DCT: variants seen among roughly 807,000 people sequenced by gnomAD.
DCT encodes L-dopachrome tautomerase.
Under a neutral mutation model 53.0 loss-of-function variants are expected in DCT, and 47 were observed. The ratio of observed to expected loss-of-function variants is 0.89; its 90% CI spans 0.70 to 1.13. The LOEUF (loss-of-function observed/expected upper bound fraction) is 1.13. Ranked by LOEUF, DCT falls within the 50% of genes most tolerant of loss-of-function variation. The probability of loss-of-function intolerance (pLI) is 0.00; values close to 1 mark genes in which losing one functional copy is unlikely to be tolerated. For synonymous variants in DCT, 244 were observed against 237.0 expected (o/e 1.03, Z -0.27); for missense variants, 669 against 637.4 (o/e 1.05, Z -0.53).
In DCT at chr13:94,468,885, T is replaced by G. The variant is rs1205326900; in HGVS notation, c.456A>C (p.Val152=). ...GTGTGGTGATCACGTAGTCGGGGTG[T>G]ACTCTCTTCTTCGCGAGATCTAAGG... is the stretch of plus-strand genomic sequence containing the variant. ...LGALDLAKKR[V]HPDYVITTQH... is the part of the protein sequence containing the mutation. Residue 152 remains valine (V), a synonymous_variant, in exon 2 of 8, where the codon GTA becomes GTC. Transcript: ENST00000377028. 3.1e-6 allele frequency: 5 copies of G among 1,614,146 alleles called. No individual in the cohort carries two copies. In the East Asian group the frequency reaches 1.1e-4, roughly 36 times the overall value.
intron 1 of DCT, among the ~76,000 whole-genome samples, chr13:94,472,268 G>A (rs1279798280): frequency 1.3e-5 from 2 of 151,534 alleles, no homozygotes; most frequent in East Asian, 3.9e-4. Flanking sequence ...TATCTAAAAG[G>A]TAGCCAACAC....
intron 6 of DCT, among the ~76,000 whole-genome samples, chr13:94,444,629 G>T (rs1440084104): frequency 6.6e-6 from 1 of 152,178 alleles, no homozygotes; most frequent in Non-Finnish European, 1.5e-5. Context: ...GGAGTTCCTT[G>T]TTCCTTCCTG....
intron 6 of DCT, 21 bp from the exon 7 acceptor site, chr13:94,443,658 G>C (rs1882514343): frequency 1.3e-6 from 2 of 1,581,176 alleles, no homozygotes; most frequent in Non-Finnish European, 1.7e-6. Flanking sequence ...GTTGGACACA[G>C]CATTTAACAT....
At chr13:94,442,846 C>T (rs1882435098) in intron 7 of DCT, among the ~76,000 whole-genome samples, 1 of 152,048 alleles carries the variant, frequency 6.6e-6, no homozygotes, top group Non-Finnish European at 1.5e-5. Flanking sequence ...CAAAAGTCTG[C>T]CTTTATTTAA....
the DCT span, among the ~76,000 whole-genome samples, chr13:94,546,783 G>A: frequency 2.0e-5 from 3 of 152,146 alleles, no homozygotes; most frequent in Admixed American, 6.5e-5. The surrounding 1 kb of genome is among the most constrained non-coding windows in gnomAD (Gnocchi z 4.2). Context: ...GGAGTTGGGC[G>A]AGTAAGCTGA....
the DCT span, among the ~76,000 whole-genome samples, chr13:94,542,935 T>C: frequency 6.6e-6 from 1 of 152,176 alleles, no homozygotes; most frequent in African/African-American, 2.4e-5. Context: ...AGCAATTTTG[T>C]CACAGTAGCT....
At position 94,466,642 on chromosome 13, in the gene DCT, G is replaced by A; in HGVS notation, c.612C>T (p.Tyr204=). The change falls in exon 3 of 8, where the codon TAC becomes TAT. Residue 204 remains tyrosine (Y), a synonymous_variant. Transcript: ENST00000377028. ...CTTGATGTGAGAAATCTATGGCCCTGTAGGGGCGTCCTGGTCCTGAAACAA... is the reference window on the plus strand; with the variant it reads ...CTTGATGTGAGAAATCTATGGCCCTATAGGGGCGTCCTGGTCCTGAAACAA... ...RDTLLGPGRP[Y]RAIDFSHQGP... is the part of the protein sequence containing the mutation. 6.2e-7 allele frequency: 1 copy of A among 1,606,288 alleles called. No homozygotes were observed. Among genetic ancestry groups the A allele is most frequent in the South Asian group, 1.1e-5 (1 of 89,378 alleles).
intron 6 of DCT, among the ~76,000 whole-genome samples, chr13:94,451,440 T>C (rs9516416): frequency 0.3 from 45,443 of 152,124 alleles, 7,217 homozygotes; most frequent in Middle Eastern, 0.4. Context: ...AAAATTGTAG[T>C]TGAAAGATTG....
At chr13:94,442,596 C>T (rs1394344665) in intron 7 of DCT, among the ~76,000 whole-genome samples, 1 of 152,210 alleles carries the variant, frequency 6.6e-6, no homozygotes, top group Non-Finnish European at 1.5e-5. Flanking sequence ...CCTGTATATA[C>T]TTGTCAAAAT....
the DCT span, among the ~76,000 whole-genome samples, chr13:94,502,878 C>G: frequency 2.0e-5 from 3 of 152,138 alleles, no homozygotes; most frequent in Non-Finnish European, 2.9e-5. Context: ...GCCTGCCACC[C>G]CAGGTCCCCA....
At chr13:94,474,549 C>CA (rs1884956266) in intron 1 of DCT, among the ~76,000 whole-genome samples, 1 of 152,160 alleles carries the variant, frequency 6.6e-6, no homozygotes, top group Non-Finnish European at 1.5e-5. Context: ...CTTGTACAAA[C>CA]AAGAAGTTCA....
At chr13:94,487,488 T>C in the DCT span, among the ~76,000 whole-genome samples, 6 of 152,222 alleles carry the variant, frequency 3.9e-5, no homozygotes, top group Non-Finnish European at 7.3e-5. Context: ...AGGGCAGACA[T>C]GCATAGCTTT....
At chr13:94,516,131 CAT>C in the DCT span, among the ~76,000 whole-genome samples, 2 of 149,134 alleles carry the variant, frequency 1.3e-5, no homozygotes, top group African/African-American at 4.9e-5. Context: ...CCCTCAGCCT[CAT>C]GTTCTCTAGC....
intron 6 of DCT, among the ~76,000 whole-genome samples, chr13:94,458,746 G>A (rs1034008742): frequency 3.3e-5 from 5 of 152,086 alleles, no homozygotes; most frequent in African/African-American, 1.2e-4. Context: ...AGGTTGCAGT[G>A]AGCCCAGATA....
the DCT span, among the ~76,000 whole-genome samples, chr13:94,518,671 G>A: frequency 6.6e-6 from 1 of 152,134 alleles, no homozygotes; most frequent in African/African-American, 2.4e-5. Context: ...CTCTGCACAC[G>A]TCTCTGCATC....
chr13:94,526,713 G>C, the DCT span, among the ~76,000 whole-genome samples: 1 of 152,200 alleles, frequency 6.6e-6, no homozygotes, highest in East Asian at 1.9e-4. Flanking sequence ...TGACGCAAAA[G>C]ATGGGTGATT....
chr13:94,478,645 C>T (rs766972977), intron 1 of DCT, among the ~76,000 whole-genome samples: 2 of 152,346 alleles, frequency 1.3e-5, no homozygotes, highest in Admixed American at 6.5e-5. Context: ...GGACTTGCTC[C>T]GAGTTTCAAA....
chr13:94,474,382 A>G (rs932838074), intron 1 of DCT, among the ~76,000 whole-genome samples: 1 of 152,216 alleles, frequency 6.6e-6, no homozygotes, highest in African/African-American at 2.4e-5. Context: ...AAGGAACTCT[A>G]AATAGCCTAT....
In DCT at chr13:94,439,938, T is replaced by A; in HGVS notation, c.1520A>T (p.Glu507Val). 1 of 1,613,880 alleles carries A rather than the reference T, an allele frequency of 6.2e-7. No homozygotes were observed. Among genetic ancestry groups the A allele is most frequent in the South Asian group, 1.1e-5 (1 of 91,030 alleles). Reference protein sequence around the residue: ...RLRKGYTPLMETHLSSKRYTE... With the variant: ...RLRKGYTPLMVTHLSSKRYTE... ...GTATCTCTTGCTGCTTAAATGTGTCTCCATTAGGGGTGTATATCCTTTTCG... is the reference window on the plus strand; with the variant it reads ...GTATCTCTTGCTGCTTAAATGTGTCACCATTAGGGGTGTATATCCTTTTCG... Residue 507 changes from glutamate (E) to valine (V), a missense_variant, in exon 8 of 8, where the codon GAG becomes GTG. Glu to Val is a moderately radical substitution (Grantham distance 121). Transcript: ENST00000377028.
Sources: gnomAD v4.1 joint callset for allele counts (sites outside exome capture counted in the v4.1 genomes callset) on GRCh38, gnomAD v4.1.1 for gene constraint, Gnocchi (gnomAD v3.1) non-coding constraint, MANE v1.5 for transcripts, NCBI Gene and HGNC (gene_info 2026-07-23, HGNC 2026-07-21) for gene names.